The following NADSYN1 variants were observed in gnomAD, a reference collection of about 807,000 sequenced individuals.
NADSYN1 encodes glutamine-dependent NAD(+) synthetase.
Under a neutral mutation model 99.3 loss-of-function variants are expected in NADSYN1, and 80 were observed. That is an observed-to-expected ratio of 0.81 (90% CI 0.67 to 0.97). The LOEUF is 0.97. Among genes scored for constraint, NADSYN1 ranks in the 50% least tolerant of loss-of-function variants. NADSYN1 has a pLI of 0.00. For missense variants in NADSYN1, 859 were observed against 948.5 expected (o/e 0.91, Z 1.24); for synonymous variants, 385 against 372.1 (o/e 1.03, Z -0.40).
At chr11:71,461,517 C>T (rs957175014) in intron 3 of NADSYN1, among the ~76,000 whole-genome samples, 38 of 152,274 alleles carry the variant, frequency 2.5e-4, no homozygotes, top group African/African-American at 9.1e-4. Flanking sequence ...CAACCTCTGC[C>T]ACCCGGGTTC....
Position 71,468,551 on chromosome 11 carries a change from A to G in NADSYN1, c.408-3898A>G, listed in dbSNP as rs148211411. Among the ~76,000 whole-genome samples the G allele has an allele frequency of 3.1e-4, 47 of 152,130 alleles. No individual in the cohort carries two copies. The East Asian group carries it at 8.5e-3, about 27-fold the overall frequency. On this transcript the variant is annotated intron_variant, in intron 5 of 20. Coordinates refer to ENST00000319023, the MANE Select transcript of NADSYN1 (RefSeq NM_018161.5). ...GCAGAAGAAAAGAAGACTAAAAAGG[A>G]AAAAATGAAATAATTCCAAATAAAG...
chr11:71,469,300 C>G (rs1207035873), intron 5 of NADSYN1, among the ~76,000 whole-genome samples: 1 of 152,196 alleles, frequency 6.6e-6, no homozygotes, highest in Admixed American at 6.5e-5. Context: ...GAAACCCCCT[C>G]TCTACCAAAG....
intron 3 of NADSYN1, chr11:71,458,947 C>T: frequency 4.8e-6 from 1 of 207,738 alleles, no homozygotes; most frequent in Non-Finnish European, 1.0e-5. Flanking sequence ...CAAGGAAGGC[C>T]TCTGCATGCT....
intron 5 of NADSYN1, among the ~76,000 whole-genome samples, chr11:71,468,040 T>C (rs1413298054): frequency 6.6e-6 from 1 of 152,192 alleles, no homozygotes; most frequent in Non-Finnish European, 1.5e-5. Context: ...TGGTGAAGCC[T>C]GGAGCCAGGA....
chr11:71,459,017 G>A (rs755203319), intron 3 of NADSYN1: 6 of 178,940 alleles, frequency 3.4e-5, no homozygotes, highest in South Asian at 1.1e-4. Flanking sequence ...CTCTGCACAC[G>A]CTGTGCTGGT....
rs770400404 is a variant in NADSYN1 at position 71,477,421 on chromosome 11, A to T, written c.799-974A>T. The T allele has an allele frequency of 3.6e-5, 47 of 1,289,804 alleles. No individual in the cohort carries two copies. In the African/African-American group the frequency reaches 6.4e-4, roughly 17 times the overall value. The allele number at this position is 1,289,804 out of a possible 1,614,324, so 79.9% of individuals were successfully genotyped here. On this transcript the variant is annotated intron_variant, in intron 9 of 20. Transcript: ENST00000319023. ...TGCGTGAATCGGTCTCCTTGTCTTC[A>T]TGGGCATCTCCGGCCAGGTATGGCC...
In NADSYN1 at chr11:71,473,300, C is replaced by G; in HGVS notation, c.482C>G (p.Ala161Gly). The G allele has an allele frequency of 6.2e-7, 1 of 1,614,182 alleles. No homozygotes were observed. The highest frequency in any genetic ancestry group is 8.5e-7 in the Non-Finnish European group (1 of 1,180,018). ...CAGGAAACCGTACCCTTCGGAGATGCGGTGCTGGTGACATGGGACACCTGC... is the reference window on the plus strand; with the variant it reads ...CAGGAAACCGTACCCTTCGGAGATGGGGTGCTGGTGACATGGGACACCTGC... ...TKQETVPFGD[A>G]VLVTWDTCIG... The change falls in exon 7 of 21, where the codon GCG becomes GGG. Residue 161 changes from alanine to glycine, a missense_variant. Physicochemically the swap from Ala to Gly is moderately conservative, Grantham distance 60 (BLOSUM62 0). Transcript: ENST00000319023.
In NADSYN1 at chr11:71,474,556, G is replaced by A. The variant is rs772729714; in HGVS notation, c.798+30G>A. ...TGAGCGGGCCTGGACATGCCTGGGG[G>A]AGGGTTCTCTGTGCAGAGACCGAGC... On this transcript the variant is annotated intron_variant, in intron 9 of 20. Coordinates refer to ENST00000319023, the MANE Select transcript of NADSYN1 (RefSeq NM_018161.5). The A allele has an allele frequency of 1.9e-6, 3 of 1,613,670 alleles. No homozygotes were observed. In the African/African-American group the frequency reaches 4.0e-5, roughly 22 times the overall value.
intron 15 of NADSYN1, chr11:71,485,261 G>A (rs558402424): frequency 2.0e-5 from 5 of 248,336 alleles, no homozygotes; most frequent in African/African-American, 6.7e-5. Context: ...GGGACCCCAC[G>A]GCTCAGTCCT....
Position 71,501,476 on chromosome 11 carries a change from AG to A in NADSYN1, c.*127del, listed in dbSNP as rs1168708844. ...AGGATGGGACGGCGCATCAGCCGAGAGGGAGGGAACTTTTCAGTCAAATTCC... is the reference window on the plus strand; with the variant it reads ...AGGATGGGACGGCGCATCAGCCGAGAGGAGGGAACTTTTCAGTCAAATTCC... On this transcript the variant is annotated 3_prime_UTR_variant, in exon 21 of 21. Coordinates refer to ENST00000319023, the MANE Select transcript of NADSYN1 (RefSeq NM_018161.5). 2 of 867,790 alleles carry A rather than the reference AG, an allele frequency of 2.3e-6. No individual in the cohort carries two copies. The highest frequency in any genetic ancestry group is 2.8e-5 in the East Asian group (1 of 35,968). 53.8% of individuals were successfully genotyped at this position (867,790 alleles called of 1,614,324 possible). A position where few individuals can be genotyped will look rare whatever the true frequency, so the allele number is the denominator to read the frequency against.
intron 14 of NADSYN1, 119 bp downstream of exon 14, chr11:71,483,136 CT>C: frequency 7.1e-6 from 9 of 1,259,006 alleles, no homozygotes; most frequent in Non-Finnish European, 9.0e-6. Flanking sequence ...GTGTCATCCA[CT>C]ATGTGGATAA....
At chr11:71,471,113 G>T (rs1048953473) in intron 5 of NADSYN1, among the ~76,000 whole-genome samples, 13 of 152,142 alleles carry the variant, frequency 8.5e-5, no homozygotes, top group Non-Finnish European at 1.9e-4. Flanking sequence ...TAAGTGTGGG[G>T]CTCCTGTTCC....
chr11:71,483,040 G>A (rs1158907645), intron 14 of NADSYN1, 23 bp downstream of exon 14: 1 of 1,610,814 alleles, frequency 6.2e-7, no homozygotes. Context: ...CCTGGTATTG[G>A]GCATGGCAGG....
At chr11:71,464,174 T>G in intron 5 of NADSYN1, 32 bp downstream of exon 5, 1 of 1,539,370 alleles carries the variant, frequency 6.5e-7, no homozygotes, top group Non-Finnish European at 8.9e-7. Flanking sequence ...TCCTGGGATG[T>G]GCGTTAAGCA....
chr11:71,492,968 A>C (rs1949793441), intron 18 of NADSYN1, among the ~76,000 whole-genome samples: 1 of 149,946 alleles, frequency 6.7e-6, no homozygotes, highest in South Asian at 2.1e-4. Flanking sequence ...GCTCACTGCA[A>C]CCTCCACCTC....
Position 71,497,485 on chromosome 11 carries a change from A to G in NADSYN1, c.1767A>G (p.Glu589=), listed in dbSNP as rs763223850. Residue 589 remains glutamate, a splice_region_variant and synonymous_variant, in exon 19 of 21, where the codon GAA becomes GAG. Transcript: ENST00000319023. Reference sequence around the variant, plus strand: ...GAACAGATTTTTGTTGTGCACAGGAAGATATGGGGATGACATATGCGGAGC... The same window carrying G: ...GAACAGATTTTTGTTGTGCACAGGAGGATATGGGGATGACATATGCGGAGC... The part of the protein sequence containing the change: ...ADGQVSQTDE[E]DMGMTYAELS... 2 of 1,614,136 alleles carry G rather than the reference A, an allele frequency of 1.2e-6. No homozygotes were observed. The highest frequency in any genetic ancestry group is 1.7e-6 in the Non-Finnish European group (2 of 1,180,004).
At chr11:71,485,672 G>C (rs773575591) in intron 16 of NADSYN1, 24 bp downstream of exon 16, 15 of 1,523,192 alleles carry the variant, frequency 9.8e-6, no homozygotes, top group Non-Finnish European at 1.3e-5. Context: ...AGTGGCACGT[G>C]GTGGTGGGCC....
In NADSYN1 at chr11:71,453,260, C is replaced by G. The variant is rs1391568282; in HGVS notation, c.-37C>G. The stretch of plus-strand genomic sequence containing the variant: ...CTCGCTGGGACCCTGGTCTTGCTGT[C>G]CCCCGCTGGCCTCCTGCCCAAGCGA... On this transcript the variant is annotated 5_prime_UTR_variant, in exon 1 of 21. Transcript: ENST00000319023. The G allele has an allele frequency of 2.5e-6, 4 of 1,593,412 alleles. No homozygotes were observed. The African/African-American group carries it at 5.4e-5, about 21-fold the overall frequency.
intron 9 of NADSYN1, chr11:71,477,106 C>T: frequency 8.9e-7 from 1 of 1,127,172 alleles, no homozygotes; most frequent in South Asian, 2.0e-5. Flanking sequence ...CCCCTTCTGC[C>T]TCCTGCTCAA....
Sources: gnomAD v4.1 joint callset for allele counts (sites outside exome capture counted in the v4.1 genomes callset) on GRCh38, gnomAD v4.1.1 for gene constraint, MANE v1.5 for transcripts, NCBI Gene and HGNC (gene_info 2026-07-23, HGNC 2026-07-21) for gene names.